MARCHF1: variants seen among roughly 807,000 people sequenced by gnomAD.
The protein encoded by MARCHF1 is E3 ubiquitin-protein ligase MARCHF1.
A neutral mutation model predicts 54.2 loss-of-function variants in MARCHF1; 40 were observed. That is an observed-to-expected ratio of 0.74 (90% CI 0.57 to 0.96). The LOEUF (loss-of-function observed/expected upper bound fraction) is 0.96. MARCHF1 is among the 40% of genes least tolerant of loss of function. MARCHF1 has a pLI of 0.00. For missense variants in MARCHF1, 586 were observed against 656.5 expected, an observed-to-expected ratio of 0.89 and a Z score of 1.17; for synonymous variants, 236 against 236.3, an observed-to-expected ratio of 1.00 and a Z score of 0.01.
intron 2 of MARCHF1, among the ~76,000 whole-genome samples, chr4:164,003,854 C>T (rs1753233019): frequency 6.6e-6 from 1 of 152,042 alleles, no homozygotes; most frequent in African/African-American, 2.4e-5. Flanking sequence ...TATTGCAGCA[C>T]TATTCACAAT....
At chr4:164,173,099 ATACG>A (rs1187069219) in intron 1 of MARCHF1, among the ~76,000 whole-genome samples, 2 of 152,224 alleles carry the variant, frequency 1.3e-5, no homozygotes, top group African/African-American at 4.8e-5. Context: ...AAGAAACCAA[ATACG>A]TATTTCCAAA....
intron 4 of MARCHF1, among the ~76,000 whole-genome samples, chr4:163,832,104 A>T (rs1249898589): frequency 2.0e-5 from 3 of 152,228 alleles, no homozygotes; most frequent in African/African-American, 7.2e-5. Flanking sequence ...GTCCAGAAAA[A>T]TTGAAAAGGT....
chr4:164,076,207 T>C (rs1009736589), intron 2 of MARCHF1, among the ~76,000 whole-genome samples: 10 of 151,428 alleles, frequency 6.6e-5, no homozygotes, highest in African/African-American at 2.4e-4. Flanking sequence ...CAAATTGGAA[T>C]CAAGTACATT....
chr4:163,985,975 G>A (rs926154419), intron 3 of MARCHF1, among the ~76,000 whole-genome samples: 3 of 151,982 alleles, frequency 2.0e-5, no homozygotes, highest in African/African-American at 7.2e-5. Flanking sequence ...AAACACAGAT[G>A]TATGCTGTTT....
At chr4:164,086,508 T>A (rs1380724258) in intron 2 of MARCHF1, among the ~76,000 whole-genome samples, 1 of 152,042 alleles carries the variant, frequency 6.6e-6, no homozygotes, top group African/African-American at 2.4e-5. Context: ...TTATGAGTGA[T>A]ATTTATTGAA....
At chr4:163,901,587 G>A (rs956090596) in intron 3 of MARCHF1, among the ~76,000 whole-genome samples, 1 of 152,100 alleles carries the variant, frequency 6.6e-6, no homozygotes, top group African/African-American at 2.4e-5. Flanking sequence ...TACGTTTTCA[G>A]CCCTGGGAAT....
chr4:164,356,683 C>T (rs1171119350), intron 1 of MARCHF1, among the ~76,000 whole-genome samples: 2 of 129,822 alleles, frequency 1.5e-5, no homozygotes, highest in Non-Finnish European at 3.3e-5. Flanking sequence ...TTAGTGGGTG[C>T]AGCGCACCAG....
intron 2 of MARCHF1, among the ~76,000 whole-genome samples, chr4:164,001,218 G>GA (rs1321880885): frequency 6.6e-6 from 1 of 151,638 alleles, no homozygotes; most frequent in Non-Finnish European, 1.5e-5. Context: ...ATAATTACTA[G>GA]AAAAATACTT....
chr4:164,076,956 C>CA (rs1174512199), intron 2 of MARCHF1, among the ~76,000 whole-genome samples: 1 of 151,990 alleles, frequency 6.6e-6, no homozygotes, highest in Non-Finnish European at 1.5e-5. Flanking sequence ...CCATACAGCC[C>CA]AAATTAATTT....
At chr4:164,297,152 C>G (rs1378920199) in intron 1 of MARCHF1, among the ~76,000 whole-genome samples, 2 of 152,130 alleles carry the variant, frequency 1.3e-5, no homozygotes, top group Non-Finnish European at 2.9e-5. Flanking sequence ...ATGGTAGGTA[C>G]TATTAAAATT....
chr4:164,326,485 A>C (rs1186230385), intron 1 of MARCHF1, among the ~76,000 whole-genome samples: 2 of 152,328 alleles, frequency 1.3e-5, no homozygotes, highest in East Asian at 3.9e-4. Context: ...CATGACTCTA[A>C]AGATAGTTGC....
intron 2 of MARCHF1, among the ~76,000 whole-genome samples, chr4:164,001,011 A>C (rs942657008): frequency 1.3e-5 from 2 of 151,930 alleles, no homozygotes; most frequent in Admixed American, 6.6e-5. Context: ...CAAATGAATA[A>C]GAAATTTTAA....
chr4:163,863,920 C>T lies in MARCHF1; in HGVS notation c.-38-9751G>A, dbSNP rs1402382779. On this transcript the variant is annotated intron_variant, in intron 3 of 9. Transcript: ENST00000514618. The stretch of plus-strand genomic sequence containing the variant: ...GACACAGTAGCCAAACAAAATAGCT[C>T]CACAATGACCAAAGCTGACACAATT... Among the ~76,000 whole-genome samples, 4 of 152,036 alleles carry T rather than the reference C, an allele frequency of 2.6e-5. No individual in the cohort carries two copies. In the East Asian group the frequency reaches 7.7e-4, roughly 29 times the overall value.
At chr4:164,117,653 A>G (rs1469056465) in intron 1 of MARCHF1, among the ~76,000 whole-genome samples, 1 of 152,118 alleles carries the variant, frequency 6.6e-6, no homozygotes, top group Non-Finnish European at 1.5e-5. Flanking sequence ...TAATCCCAGC[A>G]CTTTGGGAGG....
chr4:163,972,490 T>C (rs1287724289), intron 3 of MARCHF1, among the ~76,000 whole-genome samples: 1 of 152,224 alleles, frequency 6.6e-6, no homozygotes, highest in Admixed American at 6.5e-5. Flanking sequence ...AAGTACTATA[T>C]TTATTTATAT....
At chr4:163,933,010 C>T in intron 3 of MARCHF1, 1 of 1,091,298 alleles carries the variant, frequency 9.2e-7, no homozygotes. Flanking sequence ...TCCACACATC[C>T]AATCTGCCTG....
In MARCHF1 at chr4:164,284,334, CAGAGAGAG is replaced by C. The variant is rs139533400; in HGVS notation, c.-323+99528_-323+99535del. Reference sequence around the variant, plus strand: ...CTAAAGAAAGTGAGAGAGAGAGAGACAGAGAGAGAGAGAGAGAGAGAGAGAGAGCAAGA... The same window carrying C: ...CTAAAGAAAGTGAGAGAGAGAGAGACAGAGAGAGAGAGAGAGAGAGCAAGA... On this transcript the variant is annotated intron_variant, in intron 1 of 9. Coordinates refer to ENST00000514618, the MANE Select transcript of MARCHF1 (RefSeq NM_001394959.1). Among the ~76,000 whole-genome samples the C allele has an allele frequency of 2.1e-3, 249 of 117,624 alleles. 4 individuals carry two copies. The highest frequency in any genetic ancestry group is 5.6e-3 in the Admixed American group (64 of 11,420). 77.2% of individuals were successfully genotyped at this position (117,624 alleles called of 152,430 possible). A position where few individuals can be genotyped will look rare whatever the true frequency, so the allele number is the denominator to read the frequency against.
At chr4:164,143,651 C>T (rs1296394636) in intron 1 of MARCHF1, among the ~76,000 whole-genome samples, 1 of 152,112 alleles carries the variant, frequency 6.6e-6, no homozygotes, top group Admixed American at 6.5e-5. Flanking sequence ...CAGGCCTGCC[C>T]TAAAAGAGCT....
intron 3 of MARCHF1, among the ~76,000 whole-genome samples, chr4:163,963,178 T>C (rs1292984908): frequency 6.6e-6 from 1 of 151,946 alleles, no homozygotes. Context: ...ATGCACTGAT[T>C]ATACATCAGC....
Sources: allele counts gnomAD v4.1 joint callset (sites outside exome capture counted in the v4.1 genomes callset), GRCh38; gene constraint gnomAD v4.1.1; transcripts MANE v1.5; gene names NCBI Gene and HGNC (gene_info 2026-07-23, HGNC 2026-07-21).